Variants in RALGPS1 observed in about 807,000 individuals in gnomAD.
RALGPS1 encodes Ral GEF with PH domain and SH3 binding motif 1.
Under a neutral mutation model 78.8 loss-of-function variants are expected in RALGPS1, and 19 were observed. The ratio of observed to expected loss-of-function variants is 0.24; its 90% CI spans 0.17 to 0.35. The LOEUF is 0.35. Among genes scored for constraint, RALGPS1 ranks in the 10% least tolerant of loss-of-function variants. RALGPS1 has a pLI of 1.00. For missense variants in RALGPS1, 454 were observed against 688.3 expected, an observed-to-expected ratio of 0.66 and a Z score of 3.81; for synonymous variants, 228 against 256.3, an observed-to-expected ratio of 0.89 and a Z score of 1.06.
At chr9:127,058,113 G>C (rs1024282603) in intron 7 of RALGPS1, among the ~76,000 whole-genome samples, 1 of 152,200 alleles carries the variant, frequency 6.6e-6, no homozygotes, top group African/African-American at 2.4e-5. Flanking sequence ...AGGCAGAGGA[G>C]ATGGCTGGTG....
chr9:127,210,840 G>T, intron 14 of RALGPS1: 1 of 1,388,694 alleles, frequency 7.2e-7, no homozygotes. Context: ...CCTTTTGGAT[G>T]CCAAGCACTG....
Position 127,212,066 on chromosome 9 carries a change from G to A in RALGPS1, c.1248-65G>A. On this transcript the variant is annotated intron_variant, in intron 14 of 18. Coordinates refer to ENST00000259351, the MANE Select transcript of RALGPS1 (RefSeq NM_014636.3). This position sits in a 1 kb window ranked among gnomAD's most constrained non-coding sequence, Gnocchi z 6.0. ...GGTAGTGGGGCACCTGTGGTCCCCAGTGAGTGAGAGGGTGCTTGACCTCAG... is the reference window on the plus strand; with the variant it reads ...GGTAGTGGGGCACCTGTGGTCCCCAATGAGTGAGAGGGTGCTTGACCTCAG... The A allele has an allele frequency of 7.5e-7, 1 of 1,330,026 alleles. No individual in the cohort carries two copies. Among genetic ancestry groups the A allele is most frequent in the Non-Finnish European group, 1.0e-6 (1 of 958,710 alleles). The allele number at this position is 1,330,026 out of a possible 1,614,324, so 82.4% of individuals were successfully genotyped here.
intron 8 of RALGPS1, among the ~76,000 whole-genome samples, chr9:127,158,668 T>A (rs1183157399): frequency 6.6e-6 from 1 of 152,116 alleles, no homozygotes; most frequent in African/African-American, 2.4e-5. Flanking sequence ...TTAAATTGTT[T>A]TCTCGTTTCT....
intron 14 of RALGPS1, among the ~76,000 whole-genome samples, chr9:127,201,452 C>G (rs991111330): frequency 1.3e-5 from 2 of 152,202 alleles, no homozygotes; most frequent in Non-Finnish European, 2.9e-5. Flanking sequence ...GCCAGTTGCC[C>G]CTTGGCCACC....
At chr9:126,957,586 A>G (rs2038464173) in intron 1 of RALGPS1, among the ~76,000 whole-genome samples, 1 of 152,182 alleles carries the variant, frequency 6.6e-6, no homozygotes, top group African/African-American at 2.4e-5. Flanking sequence ...CATCCATACC[A>G]GCTGGTTTGT....
At chr9:126,916,303 T>C (rs183755806) in intron 1 of RALGPS1, among the ~76,000 whole-genome samples, 84 of 152,314 alleles carry the variant, frequency 5.5e-4, no homozygotes, top group African/African-American at 2.0e-3. Flanking sequence ...ACTGCTTCTC[T>C]CTGCGAGGCC....
At chr9:127,173,694 G>A (rs1334418430) in intron 10 of RALGPS1, among the ~76,000 whole-genome samples, 1 of 152,148 alleles carries the variant, frequency 6.6e-6, no homozygotes, top group Non-Finnish European at 1.5e-5. Context: ...TCTGATCATG[G>A]GGAGTGCAGT....
chr9:126,975,376 A>G (rs751746430), intron 3 of RALGPS1, among the ~76,000 whole-genome samples: 41 of 152,248 alleles, frequency 2.7e-4, no homozygotes, highest in Admixed American at 1.9e-3. Context: ...GAAATTCAGT[A>G]GCAAACCCTA....
intron 4 of RALGPS1, among the ~76,000 whole-genome samples, chr9:127,001,728 A>G (rs1481480050): frequency 8.5e-5 from 13 of 152,072 alleles, no homozygotes; most frequent in Non-Finnish European, 1.5e-5. Flanking sequence ...TACTAAAAAT[A>G]TAAAAATTAG....
At chr9:127,041,726 C>T (rs970947911) in intron 5 of RALGPS1, among the ~76,000 whole-genome samples, 1 of 152,192 alleles carries the variant, frequency 6.6e-6, no homozygotes, top group East Asian at 1.9e-4. Context: ...GGTGGAGGAT[C>T]TGTGAGTGAG....
At chr9:127,145,240 C>T (rs1037120769) in intron 8 of RALGPS1, among the ~76,000 whole-genome samples, 3 of 152,106 alleles carry the variant, frequency 2.0e-5, no homozygotes, top group Non-Finnish European at 4.4e-5. Context: ...AGCACTTCGT[C>T]GGTATTATCT....
At chr9:127,178,039 C>T (rs2140017528) in intron 11 of RALGPS1, 2 of 1,495,014 alleles carry the variant, frequency 1.3e-6, no homozygotes, top group Non-Finnish European at 1.8e-6. Context: ...CATGGGCCGG[C>T]CCAGGGTCCT....
At chr9:127,188,056 CTTTTTT>C (rs35971647) in intron 11 of RALGPS1, among the ~76,000 whole-genome samples, 1 of 81,668 alleles carries the variant, frequency 1.2e-5, no homozygotes, top group Non-Finnish European at 2.2e-5. Flanking sequence ...GAATTAGAGC[CTTTTTT>C]TTTTTTTTTT....
chr9:126,965,766 G>C, intron 2 of RALGPS1, 78 bp from the exon 3 acceptor site: 1 of 1,098,292 alleles, frequency 9.1e-7, no homozygotes, highest in South Asian at 1.3e-5. Flanking sequence ...CTCCCATCCT[G>C]AATTCCGAGG....
intron 8 of RALGPS1, among the ~76,000 whole-genome samples, chr9:127,151,892 A>C (rs1191693707): frequency 6.6e-6 from 1 of 151,822 alleles, no homozygotes; most frequent in Non-Finnish European, 1.5e-5. Flanking sequence ...GTGTCCCCTT[A>C]TGTTCTTTCT....
At chr9:127,097,427 C>T (rs1288259794) in intron 8 of RALGPS1, among the ~76,000 whole-genome samples, 2 of 152,242 alleles carry the variant, frequency 1.3e-5, no homozygotes, top group Non-Finnish European at 2.9e-5. Context: ...GCCCCATTAG[C>T]TTCCATCAAA....
chr9:126,982,690 C>T (rs954547832), intron 4 of RALGPS1, among the ~76,000 whole-genome samples: 7 of 152,062 alleles, frequency 4.6e-5, no homozygotes, highest in African/African-American at 1.7e-4. Context: ...GCCTTCCTGC[C>T]TCAGCCCCCT....
chr9:127,119,567 A>G (rs2055826828), intron 8 of RALGPS1, among the ~76,000 whole-genome samples: 1 of 152,222 alleles, frequency 6.6e-6, no homozygotes, highest in African/African-American at 2.4e-5. Context: ...GTAAAATGGG[A>G]TGCTAAAACT....
chr9:127,108,037 C>G (rs199872129), intron 8 of RALGPS1: 2 of 1,474,564 alleles, frequency 1.4e-6, no homozygotes, highest in Non-Finnish European at 1.8e-6. Context: ...GTTGATGATG[C>G]GGTTGTAGGT....
Sources: allele counts gnomAD v4.1 joint callset (sites outside exome capture counted in the v4.1 genomes callset), GRCh38; gene constraint gnomAD v4.1.1; non-coding constraint Gnocchi (gnomAD v3.1); transcripts MANE v1.5; gene names NCBI Gene and HGNC (gene_info 2026-07-23, HGNC 2026-07-21).